Variants in KCNN3 observed in about 807,000 individuals in gnomAD.
KCNN3 encodes potassium calcium-activated channel subfamily N member 3.
In KCNN3, 16 loss-of-function variants were observed where a neutral mutation model predicts 62.9. That is an observed-to-expected ratio of 0.25 (90% CI 0.17 to 0.39). The LOEUF (loss-of-function observed/expected upper bound fraction) is 0.39. Among genes scored for constraint, KCNN3 ranks in the 10% least tolerant of loss-of-function variants. The pLI is 1.00. For synonymous variants in KCNN3, 370 were observed against 389.2 expected, an observed-to-expected ratio of 0.95 and a Z score of 0.58; for missense variants, 599 against 949.4, an observed-to-expected ratio of 0.63 and a Z score of 4.85.
At chr1:154,850,014 C>T (rs1250255370) in intron 1 of KCNN3, among the ~76,000 whole-genome samples, 10 of 152,120 alleles carry the variant, frequency 6.6e-5, no homozygotes, top group Non-Finnish European at 1.0e-4. Context: ...GGGAGGGGAC[C>T]CCCCACTGTT....
At chr1:154,796,589 G>A (rs80117682) in intron 2 of KCNN3, among the ~76,000 whole-genome samples, 573 of 152,328 alleles carry the variant, frequency 3.8e-3, no homozygotes, top group Non-Finnish European at 6.1e-3. Flanking sequence ...ATAGGCTCAC[G>A]GTGAACTAGT....
intron 1 of KCNN3, chr1:154,859,759 C>T (rs370405501): frequency 7.7e-5 from 125 of 1,614,060 alleles, no homozygotes; most frequent in Non-Finnish European, 9.4e-5. Flanking sequence ...GCAGATGTCG[C>T]GTGGCAGGCC....
At chr1:154,776,683 C>T (rs979286985) in intron 2 of KCNN3, among the ~76,000 whole-genome samples, 2 of 152,200 alleles carry the variant, frequency 1.3e-5, no homozygotes, top group African/African-American at 4.8e-5. Flanking sequence ...CACTCTGGGT[C>T]CCATTCATTC....
At chr1:154,780,296 T>C (rs1203842588) in intron 2 of KCNN3, among the ~76,000 whole-genome samples, 1 of 150,324 alleles carries the variant, frequency 6.7e-6, no homozygotes, top group Non-Finnish European at 1.5e-5. Flanking sequence ...GAGACCTTTC[T>C]GATTTTTTAT....
intron 2 of KCNN3, among the ~76,000 whole-genome samples, chr1:154,818,257 G>A (rs546133770): frequency 2.0e-5 from 3 of 152,116 alleles, no homozygotes; most frequent in East Asian, 1.9e-4. Context: ...GCTACCATGC[G>A]GGAAACCAAC....
intron 2 of KCNN3, among the ~76,000 whole-genome samples, chr1:154,793,530 A>G (rs1240450213): frequency 1.3e-5 from 2 of 152,244 alleles, no homozygotes; most frequent in African/African-American, 4.8e-5. Context: ...GATTACCATT[A>G]ATGACAGTGA....
chr1:154,710,023 G>A (rs1441215565), intron 7 of KCNN3, among the ~76,000 whole-genome samples: 1 of 152,186 alleles, frequency 6.6e-6, no homozygotes, highest in South Asian at 2.1e-4. Context: ...CATTTTCACA[G>A]ATATCATCTT....
At chr1:154,721,956 C>T (rs1458941334) in intron 5 of KCNN3, among the ~76,000 whole-genome samples, 1 of 151,732 alleles carries the variant, frequency 6.6e-6, no homozygotes, top group Non-Finnish European at 1.5e-5. Context: ...GAATTAAATA[C>T]AGAAATGACG....
chr1:154,804,350 CA>C (rs1405814019), intron 2 of KCNN3, among the ~76,000 whole-genome samples: 11 of 152,370 alleles, frequency 7.2e-5, no homozygotes, highest in African/African-American at 2.6e-4. Context: ...GATGGCAGGA[CA>C]AAACGCACTA....
chr1:154,708,743 C>T (rs765865229), intron 7 of KCNN3, among the ~76,000 whole-genome samples: 117 of 151,930 alleles, frequency 7.7e-4, no homozygotes, highest in Non-Finnish European at 1.4e-3. Context: ...AGGCGCCTGG[C>T]CTCTCTCAAT....
chr1:154,815,929 A>G (rs1650644956), intron 2 of KCNN3, among the ~76,000 whole-genome samples: 1 of 152,212 alleles, frequency 6.6e-6, no homozygotes, highest in Non-Finnish European at 1.5e-5. Flanking sequence ...CACCTCCTGC[A>G]TTACAGACAC....
intron 2 of KCNN3, among the ~76,000 whole-genome samples, chr1:154,804,028 A>G (rs989838091): frequency 2.0e-5 from 3 of 152,010 alleles, no homozygotes; most frequent in African/African-American, 7.3e-5. Context: ...GATTGCTGTC[A>G]TTGCTCCCTT....
intron 1 of KCNN3, among the ~76,000 whole-genome samples, chr1:154,865,848 AG>A (rs1350206957): frequency 2.6e-5 from 4 of 152,156 alleles, no homozygotes; most frequent in African/African-American, 9.7e-5. Context: ...GGAAAAAAAA[AG>A]TTTGTCACCT....
Position 154,707,893 on chromosome 1 carries a change from T to G in KCNN3, c.*83A>C. The G allele has an allele frequency of 3.5e-6, 5 of 1,445,260 alleles. No individual in the cohort carries two copies. The highest frequency in any genetic ancestry group is 4.7e-6 in the Non-Finnish European group (5 of 1,056,440). 89.5% of individuals were successfully genotyped at this position (1,445,260 alleles called of 1,614,324 possible). On this transcript the variant is annotated 3_prime_UTR_variant, in exon 8 of 8. Coordinates refer to ENST00000271915, the MANE Select transcript of KCNN3 (RefSeq NM_002249.6). ...TTCTTTCCGTTCCCTGGTCTGAATG[T>G]TTCTTGATGGCAAAGCGACCAGGAG...
chr1:154,841,883 A>G (rs974799404), intron 1 of KCNN3, among the ~76,000 whole-genome samples: 2 of 152,308 alleles, frequency 1.3e-5, no homozygotes, highest in African/African-American at 4.8e-5. Flanking sequence ...TCCTCATCTG[A>G]CAATGCCATT....
chr1:154,868,153 C>T (rs1226075062), intron 1 of KCNN3: 8 of 985,368 alleles, frequency 8.1e-6, no homozygotes, highest in Non-Finnish European at 9.6e-6. Flanking sequence ...TGAGCTGGGG[C>T]GCGGGCTTGT....
intron 3 of KCNN3, among the ~76,000 whole-genome samples, chr1:154,738,474 T>A (rs925545858): frequency 6.6e-6 from 1 of 152,188 alleles, no homozygotes; most frequent in African/African-American, 2.4e-5. Flanking sequence ...TTGCCTCCCA[T>A]GCACCCTCTC....
At chr1:154,728,150 G>A (rs376764574) in intron 4 of KCNN3, among the ~76,000 whole-genome samples, 22 of 151,962 alleles carry the variant, frequency 1.4e-4, no homozygotes, top group African/African-American at 3.2e-4. Context: ...GTTTCACAGC[G>A]CTTGCCATGG....
At chr1:154,758,077 G>A (rs1379604306) in intron 3 of KCNN3, among the ~76,000 whole-genome samples, 1 of 152,196 alleles carries the variant, frequency 6.6e-6, no homozygotes, top group African/African-American at 2.4e-5. Flanking sequence ...CCAGAGAACT[G>A]AGTTAGGACC....
Sources: allele counts gnomAD v4.1 joint callset (sites outside exome capture counted in the v4.1 genomes callset), GRCh38; gene constraint gnomAD v4.1.1; transcripts MANE v1.5; gene names NCBI Gene and HGNC (gene_info 2026-07-23, HGNC 2026-07-21).